WDR72: variants seen among roughly 807,000 people sequenced by gnomAD.
WDR72 encodes WD repeat domain 72.
WDR72 carries 120 observed loss-of-function variants against 124.2 expected under a neutral mutation model. The observed-to-expected ratio is 0.97, with a 90% CI of 0.83 to 1.12. The LOEUF is 1.12. Ranked by LOEUF, WDR72 falls within the 50% of genes most tolerant of loss-of-function variation. The pLI is 0.00. For synonymous variants in WDR72, 452 were observed against 441.7 expected (o/e 1.02, Z -0.29); for missense variants, 1,387 against 1,278.8 (o/e 1.08, Z -1.29).
rs1235742146 is a variant in WDR72, at chr15:53,633,241, CT to C, written c.1963-16999del. On this transcript the variant is annotated intron_variant, in intron 14 of 19. Transcript: ENST00000360509. ...CTTGGTACTGTACAGTGAGTGCATT[CT>C]CATGAGATACGGTTGTTTAAAAAGT... Among the ~76,000 whole-genome samples, 8 of 152,148 alleles carry C rather than the reference CT, an allele frequency of 5.3e-5. 1 individual carries two copies. The highest frequency in any genetic ancestry group is 2.6e-4 in the Admixed American group (4 of 15,264).
intron 13 of WDR72, among the ~76,000 whole-genome samples, chr15:53,698,974 A>G (rs1406875213): frequency 6.6e-6 from 1 of 152,212 alleles, no homozygotes; most frequent in Non-Finnish European, 1.5e-5. Flanking sequence ...CATGACAGTA[A>G]AATGCAAAGA....
In WDR72 at chr15:53,705,994, G is replaced by C. The variant is rs1272966751; in HGVS notation, c.1035C>G (p.Val345=). Residue 345 remains valine, a synonymous_variant, in exon 10 of 20, where the codon GTC becomes GTG. Transcript: ENST00000360509. ...TGTGCCACAAAGTAATTCTTCCTGA[G>C]ACTTCTCCAGAGAAAAGTACCTTGT... ...PFYKVLFSGE[V]SGRITLWHIP... 2 of 1,614,016 alleles carry C rather than the reference G, an allele frequency of 1.2e-6. No homozygotes were observed. The highest frequency in any genetic ancestry group is 2.7e-5 in the African/African-American group (2 of 75,020).
intron 1 of WDR72, among the ~76,000 whole-genome samples, chr15:53,748,224 G>A (rs981452695): frequency 2.6e-5 from 4 of 152,034 alleles, no homozygotes; most frequent in South Asian, 2.1e-4. Context: ...ATTGTTTTGC[G>A]TGTGTATAAA....
intron 7 of WDR72, among the ~76,000 whole-genome samples, 179 bp from the exon 8 acceptor site, chr15:53,711,660 T>G (rs979076372): frequency 6.6e-6 from 1 of 152,176 alleles, no homozygotes; most frequent in African/African-American, 2.4e-5. Context: ...TATCTTAGGG[T>G]AGGTTTCAGG....
At chr15:53,679,974 C>T (rs989790) in intron 13 of WDR72, among the ~76,000 whole-genome samples, 11,314 of 150,652 alleles carry the variant, frequency 0.075, 1,090 homozygotes, top group African/African-American at 0.22. Context: ...AGAATACTTA[C>T]ACTTAGTGAA....
Position 53,733,025 on chromosome 15 carries a change from C to T in WDR72, c.125G>A (p.Cys42Tyr). 1.2e-6 allele frequency: 2 copies of T among 1,614,040 alleles called. No individual in the cohort carries two copies. The highest frequency in any genetic ancestry group is 8.5e-7 in the Non-Finnish European group (1 of 1,179,972). The stretch of plus-strand genomic sequence containing the variant: ...TAGTTCATGTGAGAGATTCCAGAGA[C>T]AGAGCTGACCCTCTTGACTTCCAGT... ...IVTGSQEGQLCLWNLSHELKI... is the reference protein window; with the variant it reads ...IVTGSQEGQLYLWNLSHELKI... Residue 42 changes from cysteine (C) to tyrosine (Y), a missense_variant, in exon 2 of 20, where the codon TGT (cysteine) becomes TAT (tyrosine). By Grantham distance (194) the Cys-to-Tyr change is radical. Coordinates refer to ENST00000360509, the MANE Select transcript of WDR72 (RefSeq NM_182758.4).
chr15:53,608,405 A>G (rs532352748), intron 17 of WDR72, among the ~76,000 whole-genome samples: 2 of 152,340 alleles, frequency 1.3e-5, no homozygotes, highest in South Asian at 4.1e-4. Flanking sequence ...GTTAAGTGAA[A>G]TAAGCCAGGC....
At chr15:53,589,663 T>C (rs1301479050) in intron 18 of WDR72, among the ~76,000 whole-genome samples, 1 of 152,008 alleles carries the variant, frequency 6.6e-6, no homozygotes, top group East Asian at 1.9e-4. Flanking sequence ...ATAGATAAAG[T>C]GGTGCCTGCA....
chr15:53,545,535 C>T (rs1301213511), intron 18 of WDR72, among the ~76,000 whole-genome samples: 15 of 151,896 alleles, frequency 9.9e-5, no homozygotes, highest in African/African-American at 2.2e-4. Flanking sequence ...AAGACTTAAA[C>T]GTTAGACCTA....
chr15:53,737,981 C>A (rs1250502281), intron 1 of WDR72, among the ~76,000 whole-genome samples: 1 of 152,082 alleles, frequency 6.6e-6, no homozygotes, highest in Non-Finnish European at 1.5e-5. Context: ...CAATAAAAAT[C>A]TGAAATTGCC....
intron 18 of WDR72, among the ~76,000 whole-genome samples, chr15:53,541,678 G>C (rs1255163871): frequency 6.6e-6 from 1 of 151,288 alleles, no homozygotes; most frequent in Non-Finnish European, 1.5e-5. Flanking sequence ...GAAGGCTTCA[G>C]ATGATCAAAT....
chr15:53,704,549 T>C (rs1000680679), intron 11 of WDR72, among the ~76,000 whole-genome samples: 46 of 151,542 alleles, frequency 3.0e-4, no homozygotes, highest in African/African-American at 1.1e-3. Flanking sequence ...TGAGATGGAG[T>C]GGAGTCTTGC....
chr15:53,624,198 G>A (rs533578823), intron 14 of WDR72, among the ~76,000 whole-genome samples: 18 of 152,160 alleles, frequency 1.2e-4, no homozygotes, highest in Non-Finnish European at 2.1e-4. Flanking sequence ...GGTAGAATAC[G>A]GGAAGGTAGA....
intron 14 of WDR72, among the ~76,000 whole-genome samples, chr15:53,654,607 T>A (rs1185598401): frequency 6.6e-6 from 1 of 152,188 alleles, no homozygotes; most frequent in Non-Finnish European, 1.5e-5. Flanking sequence ...CAAACCATCA[T>A]CTGAGGTACT....
chr15:53,616,333 T>C (rs1381033989), intron 14 of WDR72, 90 bp from the exon 15 acceptor site: 19 of 1,132,896 alleles, frequency 1.7e-5, no homozygotes, highest in Non-Finnish European at 2.4e-5. Context: ...TTAAAAAGTA[T>C]TACATTGCAG....
chr15:53,540,803 T>G (rs960089229), intron 18 of WDR72: 15 of 154,498 alleles, frequency 9.7e-5, no homozygotes, highest in East Asian at 5.7e-4. Context: ...TGCGCGAGCC[T>G]AAGCAGGGCG....
chr15:53,539,641 A>T (rs562240576), intron 18 of WDR72, among the ~76,000 whole-genome samples: 1 of 152,068 alleles, frequency 6.6e-6, no homozygotes, highest in South Asian at 2.1e-4. Context: ...AAAGGTAAAC[A>T]TTAGGAAAAA....
intron 17 of WDR72, among the ~76,000 whole-genome samples, chr15:53,608,774 A>G (rs1193839062): frequency 6.6e-6 from 1 of 151,048 alleles, no homozygotes; most frequent in Non-Finnish European, 1.5e-5. Flanking sequence ...ATAAATAAAT[A>G]AATAAATAAA....
At chr15:53,647,252 T>C (rs528277886) in intron 14 of WDR72, among the ~76,000 whole-genome samples, 19 of 152,224 alleles carry the variant, frequency 1.2e-4, no homozygotes, top group African/African-American at 4.6e-4. Context: ...AAGGTATTTA[T>C]ATCCATTCAT....
Sources: allele counts gnomAD v4.1 joint callset (sites outside exome capture counted in the v4.1 genomes callset), GRCh38; gene constraint gnomAD v4.1.1; transcripts MANE v1.5; gene names NCBI Gene and HGNC (gene_info 2026-07-23, HGNC 2026-07-21).